The following TANC2 variants were observed in gnomAD, a reference collection of about 807,000 sequenced individuals.
TANC2 encodes the protein tetratricopeptide repeat, ankyrin repeat and coiled-coil containing 2, also known as protein TANC2.
A neutral mutation model predicts 210.5 loss-of-function variants in TANC2; 26 were observed. That is an observed-to-expected ratio of 0.12 (90% CI 0.09 to 0.17). TANC2 has a LOEUF of 0.17. Among genes scored for constraint, TANC2 ranks in the 10% least tolerant of loss-of-function variants. The pLI is 1.00. For synonymous variants in TANC2, 931 were observed against 967.1 expected (o/e 0.96, Z 0.69); for missense variants, 2,129 against 2,608.9 (o/e 0.82, Z 4.01).
At chr17:63,220,575 G>A (rs1040504628) in intron 7 of TANC2, among the ~76,000 whole-genome samples, 44 of 151,080 alleles carry the variant, frequency 2.9e-4, no homozygotes, top group South Asian at 2.1e-4. Context: ...GTGGTAGCGC[G>A]TGTCTCTAGT....
chr17:63,369,925 C>A (rs1379548893), intron 14 of TANC2, among the ~76,000 whole-genome samples: 1 of 151,396 alleles, frequency 6.6e-6, no homozygotes, highest in Non-Finnish European at 1.5e-5. Context: ...TTAATCCCTC[C>A]ATCCTTACCT....
intron 2 of TANC2, among the ~76,000 whole-genome samples, chr17:63,073,465 T>G (rs2036468583): frequency 6.6e-6 from 1 of 152,172 alleles, no homozygotes; most frequent in Non-Finnish European, 1.5e-5. Context: ...TTTTAGCTTT[T>G]ATTGATTTAT....
At chr17:63,103,311 T>A (rs1259773019) in intron 4 of TANC2, among the ~76,000 whole-genome samples, 2 of 152,184 alleles carry the variant, frequency 1.3e-5, no homozygotes, top group South Asian at 2.1e-4. Flanking sequence ...TATAGGTCCA[T>A]TTCCAAATAG....
intron 5 of TANC2, among the ~76,000 whole-genome samples, chr17:63,181,455 G>C (rs555589208): frequency 2.0e-5 from 3 of 152,204 alleles, no homozygotes; most frequent in Non-Finnish European, 2.9e-5. Flanking sequence ...CCATGAACCA[G>C]GTGAGGAAGG....
rs2146227902 is a variant in TANC2, at chr17:63,261,550, G to C, written c.1034-6198G>C. ...CACTGGTCACCCAGTGCCAGTATCT[G>C]AAGACGTGAGATGAGGTTAGTCCCG... is the stretch of plus-strand genomic sequence containing the variant. On this transcript the variant is annotated intron_variant, in intron 8 of 27. Transcript: ENST00000689528. 1.3e-5 allele frequency among the ~76,000 whole-genome samples: 2 copies of C among 152,250 alleles called. 1 individual carries two copies. Among genetic ancestry groups the C allele is most frequent in the South Asian group, 4.2e-4 (2 of 4,808 alleles).
chr17:63,125,440 CT>C (rs2145173727), intron 4 of TANC2, among the ~76,000 whole-genome samples: 1 of 151,990 alleles, frequency 6.6e-6, no homozygotes, highest in African/African-American at 2.4e-5. Context: ...CGTTTTTTAC[CT>C]TTACTAGGTA....
At chr17:62,997,908 A>AT (rs1419034456) in intron 1 of TANC2, among the ~76,000 whole-genome samples, 1 of 152,182 alleles carries the variant, frequency 6.6e-6, no homozygotes, top group African/African-American at 2.4e-5. Context: ...AGAAAAAGAT[A>AT]TTTTTTAAAA....
At chr17:63,406,751 A>G (rs1208532876) in intron 21 of TANC2, among the ~76,000 whole-genome samples, 1 of 152,238 alleles carries the variant, frequency 6.6e-6, no homozygotes, top group East Asian at 1.9e-4. Context: ...ACCAACATCC[A>G]CAAATTCCTG....
chr17:62,992,851 G>C (rs1013440715), intron 1 of TANC2, among the ~76,000 whole-genome samples: 14 of 152,208 alleles, frequency 9.2e-5, no homozygotes. Context: ...CAACACAAAT[G>C]TACTATTTTA....
At chr17:63,178,860 T>C (rs555443005) in intron 5 of TANC2, among the ~76,000 whole-genome samples, 3 of 152,344 alleles carry the variant, frequency 2.0e-5, no homozygotes, top group Admixed American at 1.3e-4. Flanking sequence ...GAATACAGAT[T>C]AGGAATTTGG....
chr17:63,398,392 AC>A (rs1404618919), intron 18 of TANC2, among the ~76,000 whole-genome samples: 4 of 151,742 alleles, frequency 2.6e-5, no homozygotes, highest in African/African-American at 9.7e-5. Flanking sequence ...GGAGGTCAAG[AC>A]TGCAGTGAGT....
At chr17:63,056,528 A>T (rs891780914) in intron 2 of TANC2, among the ~76,000 whole-genome samples, 3 of 152,056 alleles carry the variant, frequency 2.0e-5, no homozygotes, top group African/African-American at 7.2e-5. Context: ...AAAAATTTTT[A>T]ATTAGCTAGA....
intron 6 of TANC2, 75 bp downstream of exon 6, chr17:63,194,214 G>A: frequency 6.8e-7 from 1 of 1,460,558 alleles, no homozygotes. Flanking sequence ...CCCAATTGTT[G>A]AATGCCTTTT....
intron 2 of TANC2, among the ~76,000 whole-genome samples, chr17:63,063,530 A>ACG (rs2036071704): frequency 8.5e-6 from 1 of 117,374 alleles, no homozygotes; most frequent in Non-Finnish European, 1.8e-5. Context: ...TGGGACAAAG[A>ACG]CGTGTGTGTG....
At chr17:63,095,992 A>G (rs912244819) in intron 3 of TANC2, among the ~76,000 whole-genome samples, 14 of 152,220 alleles carry the variant, frequency 9.2e-5, no homozygotes, top group African/African-American at 3.4e-4. Flanking sequence ...TTTTAAGTGA[A>G]AAGAGGTGCT....
At chr17:63,419,119 C>T (rs2048950085) in intron 27 of TANC2, among the ~76,000 whole-genome samples, 1 of 152,202 alleles carries the variant, frequency 6.6e-6, no homozygotes, top group Admixed American at 6.5e-5. Flanking sequence ...CCTCCTCCTC[C>T]CCAGCTGCAT....
At chr17:63,259,966 G>A (rs1164303653) in intron 8 of TANC2, among the ~76,000 whole-genome samples, 2 of 152,132 alleles carry the variant, frequency 1.3e-5, no homozygotes, top group Admixed American at 6.5e-5. Context: ...AGCGCAGAGA[G>A]CTGTGATTTA....
intron 6 of TANC2, among the ~76,000 whole-genome samples, chr17:63,199,491 C>T (rs1022403328): frequency 4.6e-5 from 7 of 151,778 alleles, no homozygotes; most frequent in African/African-American, 1.7e-4. Flanking sequence ...TGATATTTGG[C>T]GGCTGTAATC....
chr17:63,404,458 GA>G (rs2048437936), intron 19 of TANC2, among the ~76,000 whole-genome samples: 1 of 152,088 alleles, frequency 6.6e-6, no homozygotes, highest in African/African-American at 2.4e-5. Flanking sequence ...TTTTACCTGT[GA>G]CTTCATTATT....
Sources: allele counts gnomAD v4.1 joint callset (sites outside exome capture counted in the v4.1 genomes callset), GRCh38; gene constraint gnomAD v4.1.1; transcripts MANE v1.5; gene names NCBI Gene and HGNC (gene_info 2026-07-23, HGNC 2026-07-21).